MADCAM1: variants seen among roughly 807,000 people sequenced by gnomAD.
MADCAM1 encodes the protein mucosal addressin cell adhesion molecule 1.
In MADCAM1, 19 loss-of-function variants were observed where a neutral mutation model predicts 26.1. The ratio of observed to expected loss-of-function variants is 0.73; its 90% CI spans 0.51 to 1.07. The LOEUF (loss-of-function observed/expected upper bound fraction) is 1.07. MADCAM1 is among the 50% of genes least tolerant of loss of function. The pLI, the probability that MADCAM1 is intolerant of heterozygous loss-of-function variation, is 0.00. For synonymous variants in MADCAM1, 268 were observed against 260.9 expected, an observed-to-expected ratio of 1.03 and a Z score of -0.26; for missense variants, 514 against 542.1, an observed-to-expected ratio of 0.95 and a Z score of 0.51.
chr19:504,848 C>A lies in MADCAM1; in HGVS notation c.1032C>A (p.Arg344=), dbSNP rs1978534992. The A allele has an allele frequency of 5.0e-6, 8 of 1,613,032 alleles. No homozygotes were observed. The highest frequency in any genetic ancestry group is 6.8e-6 in the Non-Finnish European group (8 of 1,179,998). ...TGCCCACCTATCACCTCTGGAAACG[C>A]TGCCGGCACCTGGCTGAGGACGACA... is the stretch of plus-strand genomic sequence containing the variant. The part of the protein sequence containing the change: ...LALPTYHLWK[R]CRHLAEDDTH... The change falls in exon 5 of 5, where the codon CGC becomes CGA. Residue 344 remains arginine (R), a synonymous_variant. Transcript: ENST00000215637.
intron 3 of MADCAM1, 27 bp downstream of exon 3, chr19:498,852 C>G: frequency 6.6e-7 from 1 of 1,515,120 alleles, no homozygotes; most frequent in South Asian, 1.2e-5. Context: ...CCCTGGAGAC[C>G]CACCCGCTCG....
chr19:503,032 CAACT>C (rs1444830247), intron 4 of MADCAM1, among the ~76,000 whole-genome samples: 1 of 152,200 alleles, frequency 6.6e-6, no homozygotes, highest in African/African-American at 2.4e-5. Context: ...TAAGCCCAAG[CAACT>C]AACTGGGCTA....
intron 4 of MADCAM1, among the ~76,000 whole-genome samples, 175 bp downstream of exon 4, chr19:502,104 C>G (rs1391235652): frequency 1.3e-5 from 2 of 151,844 alleles, no homozygotes; most frequent in African/African-American, 2.4e-5. Flanking sequence ...CCTCGGTTTC[C>G]CCGTCTTTCC....
Position 498,755 on chromosome 19 carries a change from G to T in MADCAM1, c.597G>T (p.Pro199=). 1 of 784,596 alleles carries T rather than the reference G, an allele frequency of 1.3e-6. No homozygotes were observed. The highest frequency in any genetic ancestry group is 1.8e-6 in the Non-Finnish European group (1 of 547,728). 48.6% of individuals were successfully genotyped at this position (784,596 alleles called of 1,614,324 possible). Residue 199 remains proline, a synonymous_variant, in exon 3 of 5, where the codon CCG becomes CCT. Coordinates refer to ENST00000215637, the MANE Select transcript of MADCAM1 (RefSeq NM_130760.3). The stretch of plus-strand genomic sequence containing the variant: ...TGCCGCCCCTGGGGACCCCTGTCCC[G>T]CCCGCCCTCTACTGCCAGGCCACGA... ...WRLPPLGTPV[P]PALYCQATMR... is the part of the protein sequence containing the mutation.
At chr19:496,636 G>A (rs1192758153) in intron 1 of MADCAM1, 85 bp downstream of exon 1, 8 of 743,686 alleles carry the variant, frequency 1.1e-5, no homozygotes, top group Admixed American at 1.6e-4. Flanking sequence ...AGGGGAGGGG[G>A]CTCAGGAGAG....
intron 4 of MADCAM1, among the ~76,000 whole-genome samples, chr19:502,392 C>A (rs998091831): frequency 4.6e-5 from 7 of 152,020 alleles, no homozygotes; most frequent in Non-Finnish European, 8.8e-5. Context: ...ACCTCCGCCT[C>A]CTGGGTTCAA....
chr19:503,081 G>C (rs1228033884), intron 4 of MADCAM1, among the ~76,000 whole-genome samples: 1 of 152,258 alleles, frequency 6.6e-6, no homozygotes, highest in East Asian at 1.9e-4. Flanking sequence ...GGAGGCTTTA[G>C]AGTAAGAAGC....
intron 3 of MADCAM1, 165 bp from the exon 4 acceptor site, chr19:501,485 CAAAAAAAAAAAAAAAAAAA>C (rs60370701): frequency 1.1e-4 from 9 of 83,486 alleles, no homozygotes; most frequent in South Asian, 3.6e-4. Context: ...AACTCTGTCT[CAAAAAAAAAAAAAAAAAAA>C]AAAAAAAAAA....
chr19:501,499 A>C, intron 3 of MADCAM1, 170 bp from the exon 4 acceptor site: 1 of 298,852 alleles, frequency 3.3e-6, no homozygotes, highest in Non-Finnish European at 5.7e-6. Flanking sequence ...AAAAAAAAAA[A>C]AAAAAAAAAA....
intron 3 of MADCAM1, among the ~76,000 whole-genome samples, chr19:501,176 G>T (rs915656538): frequency 4.7e-5 from 7 of 149,720 alleles, no homozygotes; most frequent in African/African-American, 1.7e-4. Flanking sequence ...ACGACAGAGT[G>T]AGACCCCATC....
At chr19:500,256 A>C (rs968955208) in intron 3 of MADCAM1, 1 of 447,270 alleles carries the variant, frequency 2.2e-6, no homozygotes, top group African/African-American at 2.0e-5. Flanking sequence ...CAGTTGAGGA[A>C]ACTGAGGCAC....
intron 4 of MADCAM1, among the ~76,000 whole-genome samples, chr19:503,547 C>T (rs1454902766): frequency 2.7e-5 from 4 of 147,608 alleles, no homozygotes; most frequent in East Asian, 2.0e-4. Flanking sequence ...CGCCACTGCA[C>T]TCCAACCTGG....
intron 2 of MADCAM1, 57 bp from the exon 3 acceptor site, chr19:498,439 C>G: frequency 2.1e-6 from 3 of 1,415,156 alleles, no homozygotes; most frequent in Non-Finnish European, 2.8e-6. Flanking sequence ...TCCGGCCCCT[C>G]CATCACGTCC....
intron 1 of MADCAM1, 132 bp from the exon 2 acceptor site, chr19:497,701 C>T: frequency 1.6e-6 from 1 of 612,446 alleles, no homozygotes; most frequent in Non-Finnish European, 2.1e-6. Context: ...GGCAGGGGTC[C>T]GGGGGTGCAG....
At chr19:500,267 G>A (rs1174574494) in intron 3 of MADCAM1, 22 of 439,218 alleles carry the variant, frequency 5.0e-5, no homozygotes, top group East Asian at 2.8e-4. Flanking sequence ...ACTGAGGCAC[G>A]TGGAGATTAA....
chr19:503,438 G>A (rs868370286), intron 4 of MADCAM1, among the ~76,000 whole-genome samples: 18 of 150,606 alleles, frequency 1.2e-4, no homozygotes, highest in South Asian at 6.3e-4. Context: ...AAAATTAGCC[G>A]GGCGTGGCAG....
chr19:503,503 C>A (rs1384069610), intron 4 of MADCAM1, among the ~76,000 whole-genome samples: 1 of 146,976 alleles, frequency 6.8e-6, no homozygotes, highest in Admixed American at 7.0e-5. Flanking sequence ...ATGGCGTGAA[C>A]CTGGGAGGCG....
At chr19:497,720 C>G in intron 1 of MADCAM1, 113 bp from the exon 2 acceptor site, 1 of 887,850 alleles carries the variant, frequency 1.1e-6, no homozygotes, top group Admixed American at 4.6e-5. Flanking sequence ...AGCGGAGGGT[C>G]CGGGAACCGG....
rs1294625302 is a variant in MADCAM1 at position 498,031 on chromosome 19, C to T, written c.251C>T (p.Ala84Val). 2.0e-6 allele frequency: 3 copies of T among 1,495,758 alleles called. No individual in the cohort carries two copies. The highest frequency in any genetic ancestry group is 1.4e-5 in the African/African-American group (1 of 69,608). 92.7% of individuals were successfully genotyped at this position (1,495,758 alleles called of 1,614,324 possible). ...CGCAGCGTCCTCACCGTGCGCAACG[C>T]CTCGCTGTCGGCGGCCGGGACCCGC... is the stretch of plus-strand genomic sequence containing the variant. ...TGRSVLTVRN[A>V]SLSAAGTRVC... Residue 84 changes from alanine (A) to valine (V), a missense_variant, in exon 2 of 5, where the codon GCC (alanine) becomes GTC (valine). Around this residue, in one of 3 missense-constraint regions of MADCAM1, gnomAD observed 317 missense variants for 313.6 expected, o/e 1.01. Transcript: ENST00000215637.
Sources: gnomAD v4.1 joint callset for allele counts (sites outside exome capture counted in the v4.1 genomes callset) on GRCh38, gnomAD v4.1.1 for gene constraint, gnomAD v4.1.1 regional missense constraint, MANE v1.5 for transcripts, NCBI Gene and HGNC (gene_info 2026-07-23, HGNC 2026-07-21) for gene names.